Variants in PLCH2 observed in about 807,000 individuals in gnomAD.
The protein encoded by PLCH2 is 1-phosphatidylinositol 4,5-bisphosphate phosphodiesterase eta-2.
In PLCH2, 98 loss-of-function variants were observed where a neutral mutation model predicts 134.7. That is an observed-to-expected ratio of 0.73 (90% CI 0.62 to 0.86). The LOEUF (loss-of-function observed/expected upper bound fraction) is 0.86. PLCH2 is among the 40% of genes least tolerant of loss of function. PLCH2 has a pLI of 0.00. For synonymous variants in PLCH2, 974 were observed against 827.5 expected (o/e 1.18, Z -3.04); for missense variants, 1,994 against 1,986.6 (o/e 1.00, Z -0.07).
chr1:2,482,588 C>A (rs1414987056), intron 4 of PLCH2, among the ~76,000 whole-genome samples: 1 of 152,208 alleles, frequency 6.6e-6, no homozygotes, highest in South Asian at 2.1e-4. Context: ...GGGTCCTGAC[C>A]CACCTTCATG....
Position 2,480,204 on chromosome 1 carries a change from C to G in PLCH2, c.537C>G (p.Asp179Glu). ...CAAAGTGGCTGAAGCAGACGTTTGA[C>G]GAGGCCGACAAGAACGGGGATGGCA... ...TRDQWLKQTFDEADKNGDGSL... is the reference protein window; with the variant it reads ...TRDQWLKQTFEEADKNGDGSL... Residue 179 changes from aspartate to glutamate, a missense_variant, in exon 4 of 22, where the codon GAC (aspartate) becomes GAG (glutamate). Around this residue, in one of 2 missense-constraint regions of PLCH2, gnomAD observed 1,094 missense variants for 1,234.3 expected, o/e 0.89. Coordinates refer to ENST00000378486, the MANE Select transcript of PLCH2 (RefSeq NM_014638.4). The G allele has an allele frequency of 6.2e-7, 1 of 1,612,858 alleles. No homozygotes were observed.
In PLCH2 at chr1:2,436,481, C is replaced by T. The variant is rs1408401028; in HGVS notation, c.115+5852C>T. ...CCTCCACCTTTCCTCCTTCCTCCCT[C>T]CTCCCCTCCTCCCTCCTCCTCCTTT... On this transcript the variant is annotated intron_variant, in intron 2 of 3. Coordinates refer to the PLCH2 transcript ENST00000609981. Among the ~76,000 whole-genome samples the T allele has an allele frequency of 2.5e-4, 12 of 48,472 alleles. 1 individual carries two copies. The highest frequency in any genetic ancestry group is 9.3e-4 in the South Asian group (1 of 1,070). 31.8% of individuals were successfully genotyped at this position (48,472 alleles called of 152,430 possible). A position where few individuals can be genotyped will look rare whatever the true frequency, so the allele number is the denominator to read the frequency against.
Position 2,503,910 on chromosome 1 carries a change from A to ACACCCC in PLCH2, c.2960-11_2960-10insACCCCC. The ACACCCC allele has an allele frequency of 3.7e-6, 1 of 266,698 alleles. No homozygotes were observed. The highest frequency in any genetic ancestry group is 4.3e-5 in the South Asian group (1 of 23,146). 16.5% of individuals were successfully genotyped at this position (266,698 alleles called of 1,614,324 possible). On this transcript the variant is annotated splice_polypyrimidine_tract_variant and intron_variant, in intron 21 of 21. Coordinates refer to ENST00000378486, the MANE Select transcript of PLCH2 (RefSeq NM_014638.4). ...CCCTCTGGCTCTCTCTCACTCCCCC[A>ACACCCC]CCTCCCCACAGACACCCGCCCCCTC...
intron 11 of PLCH2, 57 bp from the exon 12 acceptor site, chr1:2,494,799 C>A: frequency 7.6e-7 from 1 of 1,315,586 alleles, no homozygotes; most frequent in Non-Finnish European, 1.1e-6. Flanking sequence ...CTGTCCCGGC[C>A]TCCCTGCCTG....
Position 2,504,012 on chromosome 1 carries a change from C to G in PLCH2, c.3050C>G (p.Pro1017Arg). Reference sequence around the variant, plus strand: ...GAGCCCGCCCCAGGCCCTGGTCCCCCGCCACCAGCGGCTGTCCCCACCAGC... The same window carrying G: ...GAGCCCGCCCCAGGCCCTGGTCCCCGGCCACCAGCGGCTGTCCCCACCAGC... ...AEEPAPGPGPPPPAAVPTSSS... is the reference protein window; with the variant it reads ...AEEPAPGPGPRPPAAVPTSSS... Residue 1017 changes from proline (P) to arginine (R), a missense_variant, in exon 22 of 22, where the codon CCG becomes CGG. Transcript: ENST00000378486. 6.5e-7 allele frequency: 1 copy of G among 1,527,786 alleles called. No homozygotes were observed. The highest frequency in any genetic ancestry group is 8.9e-7 in the Non-Finnish European group (1 of 1,127,278). 94.6% of individuals were successfully genotyped at this position (1,527,786 alleles called of 1,614,324 possible).
intron 2 of PLCH2, among the ~76,000 whole-genome samples, chr1:2,452,001 T>C (rs1476726176): frequency 2.0e-5 from 3 of 152,212 alleles, no homozygotes; most frequent in Non-Finnish European, 4.4e-5. Context: ...TGCTCTGCCG[T>C]GGGCCTGTCG....
chr1:2,474,666 T>C (rs1484631312), upstream of PLCH2, among the ~76,000 whole-genome samples: 1 of 151,768 alleles, frequency 6.6e-6, no homozygotes, highest in Non-Finnish European at 1.5e-5. Context: ...CAAGGAGGGA[T>C]GGGTGAGAGA....
At chr1:2,489,103 C>T in intron 8 of PLCH2, 104 bp from the exon 9 acceptor site, 2 of 1,057,050 alleles carry the variant, frequency 1.9e-6, no homozygotes, top group Non-Finnish European at 2.8e-6. Flanking sequence ...GTGAAGACCC[C>T]TCCTCATTCA....
rs867405037 is a variant in PLCH2 at position 2,504,627 on chromosome 1, G to A, written c.3665G>A (p.Arg1222Lys). 2 of 1,612,736 alleles carry A rather than the reference G, an allele frequency of 1.2e-6. No individual in the cohort carries two copies. The highest frequency in any genetic ancestry group is 3.3e-5 in the Admixed American group (2 of 60,024). Residue 1222 changes from arginine to lysine, a missense_variant, in exon 22 of 22, where the codon AGG becomes AAG. Coordinates refer to ENST00000378486, the MANE Select transcript of PLCH2 (RefSeq NM_014638.4). ...CCCATACCTGACGAACTGCAGCCCA[G>A]GTCCCTGGCCCCAAGGATGGCTGGC... ...RPPIPDELQPRSLAPRMAGLP... is the reference protein window; with the variant it reads ...RPPIPDELQPKSLAPRMAGLP...
At chr1:2,450,985 G>A (rs1442132070) in intron 2 of PLCH2, among the ~76,000 whole-genome samples, 1 of 151,712 alleles carries the variant, frequency 6.6e-6, no homozygotes, top group Non-Finnish European at 1.5e-5. Context: ...CTCGGCAGTG[G>A]GACCCCCGCC....
At chr1:2,441,351 G>A (rs1256946673) in intron 2 of PLCH2, among the ~76,000 whole-genome samples, 1 of 152,222 alleles carries the variant, frequency 6.6e-6, no homozygotes, top group African/African-American at 2.4e-5. Flanking sequence ...TTTGGCTTCT[G>A]CCAGCTCCTG....
chr1:2,481,094 GCACA>G (rs1437227786), intron 4 of PLCH2, among the ~76,000 whole-genome samples: 9 of 152,280 alleles, frequency 5.9e-5, no homozygotes, highest in Admixed American at 1.3e-4. Flanking sequence ...GCACACACAT[GCACA>G]CACACACGCA....
At chr1:2,488,772 C>A (rs1300139266) in intron 8 of PLCH2, among the ~76,000 whole-genome samples, 1 of 152,166 alleles carries the variant, frequency 6.6e-6, no homozygotes, top group East Asian at 1.9e-4. Flanking sequence ...ATGTCAGGAC[C>A]CCAGGGCCAT....
chr1:2,431,193 T>C (rs934952565), intron 2 of PLCH2, among the ~76,000 whole-genome samples: 1 of 151,344 alleles, frequency 6.6e-6, no homozygotes, highest in Non-Finnish European at 1.5e-5. Context: ...CTGCTCCCCC[T>C]GGGGGCCCCT....
At chr1:2,488,383 G>A (rs1642390852) in intron 8 of PLCH2, among the ~76,000 whole-genome samples, 1 of 152,150 alleles carries the variant, frequency 6.6e-6, no homozygotes, top group South Asian at 2.1e-4. Flanking sequence ...GGGATCTCAG[G>A]ACAGAGTTGC....
chr1:2,477,106 ACT>A (rs375912360), intron 1 of PLCH2, among the ~76,000 whole-genome samples: 62 of 151,638 alleles, frequency 4.1e-4, no homozygotes, highest in Non-Finnish European at 6.2e-4. Context: ...CCGTTAGGAG[ACT>A]CTGCAGAGGA....
At chr1:2,486,873 G>T (rs1370747805) in intron 5 of PLCH2, 34 bp from the exon 6 acceptor site, 1 of 1,540,572 alleles carries the variant, frequency 6.5e-7, no homozygotes, top group Non-Finnish European at 8.8e-7. Flanking sequence ...GCCAGGGATG[G>T]GCTGCCTGGA....
At chr1:2,469,958 C>T (rs1641249657) in intron 1 of PLCH2, among the ~76,000 whole-genome samples, 1 of 152,212 alleles carries the variant, frequency 6.6e-6, no homozygotes, top group South Asian at 2.1e-4. Flanking sequence ...CAGTGAGCCA[C>T]TCTGGTGGGA....
intron 2 of PLCH2, among the ~76,000 whole-genome samples, chr1:2,437,583 C>T (rs1016554693): frequency 1.1e-4 from 16 of 152,152 alleles, no homozygotes; most frequent in Non-Finnish European, 1.8e-4. Flanking sequence ...CCTGCAGCCT[C>T]CACCCCTTCA....
Sources: gnomAD v4.1 joint callset for allele counts (sites outside exome capture counted in the v4.1 genomes callset) on GRCh38, gnomAD v4.1.1 for gene constraint, gnomAD v4.1.1 regional missense constraint, MANE v1.5 for transcripts, NCBI Gene and HGNC (gene_info 2026-07-23, HGNC 2026-07-21) for gene names.